The following MAP2K6 variants were observed in gnomAD, a reference collection of about 807,000 sequenced individuals.
The protein encoded by MAP2K6 is dual specificity mitogen-activated protein kinase kinase 6.
MAP2K6 carries 16 observed loss-of-function variants against 53.7 expected under a neutral mutation model. The ratio of observed to expected loss-of-function variants is 0.30; its 90% CI spans 0.20 to 0.45. MAP2K6 has a LOEUF of 0.45. Ranked by LOEUF, MAP2K6 falls within the 20% of genes least tolerant of loss-of-function variation. The pLI, the probability that MAP2K6 is intolerant of heterozygous loss-of-function variation, is 1.00. For synonymous variants in MAP2K6, 132 were observed against 143.1 expected (o/e 0.92, Z 0.55); for missense variants, 204 against 411.9 (o/e 0.50, Z 4.37).
At chr17:69,440,984 GTA>G (rs566244759) in intron 1 of MAP2K6, among the ~76,000 whole-genome samples, 20 of 152,172 alleles carry the variant, frequency 1.3e-4, no homozygotes, top group South Asian at 8.3e-4. Flanking sequence ...GCGTGAGTGT[GTA>G]TATATGTGTG....
At chr17:69,436,588 A>G (rs972731411) in intron 1 of MAP2K6, among the ~76,000 whole-genome samples, 13 of 152,172 alleles carry the variant, frequency 8.5e-5, no homozygotes, top group Non-Finnish European at 1.9e-4. Flanking sequence ...CCTTATGCAA[A>G]CTTATAAAGT....
intron 1 of MAP2K6, among the ~76,000 whole-genome samples, chr17:69,482,441 A>G (rs1300513732): frequency 6.6e-6 from 1 of 151,996 alleles, no homozygotes; most frequent in Non-Finnish European, 1.5e-5. Context: ...CCCATAACCA[A>G]CTGATATTAC....
At chr17:69,430,559 G>A (rs891060256) in intron 1 of MAP2K6, among the ~76,000 whole-genome samples, 38 of 152,202 alleles carry the variant, frequency 2.5e-4, no homozygotes, top group African/African-American at 8.2e-4. Flanking sequence ...CTCATAAGAA[G>A]CCTGAGTAGG....
rs183791244 is a variant in MAP2K6 at position 69,551,781 on chromosome 17, T to G, written c.*10028T>G. ...AAAGTATTTTTTTGTGTAATTTGCT[T>G]ACACAACTAGGACATACTTCCTATG... On this transcript the variant is annotated 3_prime_UTR_variant, in exon 12 of 12. Transcript: ENST00000590474. 6.6e-6 allele frequency: 1 copy of G among 152,342 alleles called. No individual in the cohort carries two copies. The highest frequency in any genetic ancestry group is 1.9e-4 in the East Asian group (1 of 5,196). The allele number at this position is 152,342 out of a possible 1,614,324, so 9.4% of individuals were successfully genotyped here.
chr17:69,424,447 T>G (rs569933227), intron 1 of MAP2K6, among the ~76,000 whole-genome samples: 1 of 152,324 alleles, frequency 6.6e-6, no homozygotes, highest in East Asian at 1.9e-4. Flanking sequence ...TATCATTTAC[T>G]CTCACTATGG....
At chr17:69,461,632 C>G (rs1018247533) in intron 1 of MAP2K6, among the ~76,000 whole-genome samples, 12 of 152,198 alleles carry the variant, frequency 7.9e-5, no homozygotes, top group African/African-American at 2.6e-4. Context: ...CTGTGGGGCT[C>G]CACTTTTTCT....
At chr17:69,501,214 A>G (rs748643303) in intron 1 of MAP2K6, among the ~76,000 whole-genome samples, 4 of 152,078 alleles carry the variant, frequency 2.6e-5, no homozygotes, top group Non-Finnish European at 4.4e-5. Flanking sequence ...ATAATCATAA[A>G]CTCTCATAGT....
intron 1 of MAP2K6, among the ~76,000 whole-genome samples, chr17:69,424,467 G>C (rs1567813284): frequency 6.6e-6 from 1 of 152,288 alleles, no homozygotes; most frequent in East Asian, 1.9e-4. Context: ...GATCAGTGAG[G>C]TGATATCCCA....
chr17:69,490,058 A>C (rs1908683582), intron 1 of MAP2K6, among the ~76,000 whole-genome samples: 1 of 152,136 alleles, frequency 6.6e-6, no homozygotes, highest in Non-Finnish European at 1.5e-5. Context: ...ATCTTGCCAT[A>C]TATTTTCTAT....
chr17:69,441,495 C>T (rs528554226), intron 1 of MAP2K6, among the ~76,000 whole-genome samples: 50 of 152,160 alleles, frequency 3.3e-4, no homozygotes, highest in East Asian at 9.6e-4. Context: ...TTTGTATATG[C>T]GATTTCTTTG....
chr17:69,421,258 A>G (rs2145126432), intron 1 of MAP2K6, among the ~76,000 whole-genome samples: 1 of 152,228 alleles, frequency 6.6e-6, no homozygotes. Flanking sequence ...CCCATTATGT[A>G]TTTGCTTAAT....
At chr17:69,540,283 T>C (rs904594374) in intron 11 of MAP2K6, among the ~76,000 whole-genome samples, 3 of 152,148 alleles carry the variant, frequency 2.0e-5, no homozygotes, top group African/African-American at 7.2e-5. Context: ...AGTGAGTCAC[T>C]TATGTGTCTG....
At position 69,514,108 on chromosome 17, in the gene MAP2K6, TAA is replaced by T. The variant is rs35309500; in HGVS notation, c.84-2731_84-2730del. ...TGGGCGACAGGGTGAGACTCTGTCT[TAA>T]AAAAAAAAAAAAAAATCAGGGTGTT... is the stretch of plus-strand genomic sequence containing the variant. On this transcript the variant is annotated intron_variant, in intron 2 of 11. Transcript: ENST00000590474. Among the ~76,000 whole-genome samples, 249 of 144,224 alleles carry T rather than the reference TAA, an allele frequency of 1.7e-3. 1 individual carries two copies. Among genetic ancestry groups the T allele is most frequent in the South Asian group, 0.012 (55 of 4,512 alleles). 94.6% of individuals were successfully genotyped at this position (144,224 alleles called of 152,430 possible). A position where few individuals can be genotyped will look rare whatever the true frequency, so the allele number is the denominator to read the frequency against.
intron 11 of MAP2K6, among the ~76,000 whole-genome samples, chr17:69,538,695 C>A (rs568334472): frequency 2.0e-5 from 3 of 152,300 alleles, no homozygotes; most frequent in African/African-American, 7.2e-5. Context: ...CCAAATGTTT[C>A]TCTCCCTAAC....
intron 1 of MAP2K6, among the ~76,000 whole-genome samples, chr17:69,479,061 T>A (rs760459806): frequency 2.6e-5 from 4 of 152,196 alleles, no homozygotes; most frequent in Non-Finnish European, 4.4e-5. Flanking sequence ...CAGCCTGTGC[T>A]TATACAGTAT....
chr17:69,500,350 G>A (rs1055356873), intron 1 of MAP2K6, among the ~76,000 whole-genome samples: 1 of 150,116 alleles, frequency 6.7e-6, no homozygotes, highest in East Asian at 1.9e-4. Flanking sequence ...GGAGGCTGAG[G>A]GCCATGAGAA....
At position 69,485,839 on chromosome 17, in the gene MAP2K6, G is replaced by C. The variant is rs1373222759; in HGVS notation, c.17-19941G>C. Among the ~76,000 whole-genome samples the C allele has an allele frequency of 4.6e-5, 7 of 151,906 alleles. No homozygotes were observed. In the South Asian group the frequency reaches 1.0e-3, roughly 23 times the overall value. ...CTTTCCCTCATGGGCTTTTTTTCTT[G>C]GCTTGACAGTTGCTCAAATTTCCCA... On this transcript the variant is annotated intron_variant, in intron 1 of 11. Transcript: ENST00000590474.
chr17:69,507,866 G>A, intron 2 of MAP2K6, among the ~76,000 whole-genome samples: 1 of 152,018 alleles, frequency 6.6e-6, no homozygotes, highest in East Asian at 1.9e-4. Context: ...GGGTTATATG[G>A]TAAGCCCATC....
intron 1 of MAP2K6, among the ~76,000 whole-genome samples, chr17:69,446,746 C>A (rs896840210): frequency 3.9e-5 from 6 of 152,170 alleles, no homozygotes; most frequent in Non-Finnish European, 8.8e-5. Context: ...GAGTACCCCC[C>A]ACAGACGCCA....
Sources: allele counts gnomAD v4.1 joint callset (sites outside exome capture counted in the v4.1 genomes callset), GRCh38; gene constraint gnomAD v4.1.1; transcripts MANE v1.5; gene names NCBI Gene and HGNC (gene_info 2026-07-23, HGNC 2026-07-21).